Variants in APOC3 observed in about 807,000 individuals in gnomAD.
The protein encoded by APOC3 is apolipoprotein C-III.
APOC3 carries 6 observed loss-of-function variants against 7.3 expected under a neutral mutation model. The ratio of observed to expected loss-of-function variants is 0.82; its 90% CI spans 0.45 to 1.61. APOC3 has a LOEUF of 1.61. APOC3 is among the 40% of genes most tolerant of loss of function. The pLI, the probability that APOC3 is intolerant of heterozygous loss-of-function variation, is 0.01. For missense variants in APOC3, 123 were observed against 124.9 expected (o/e 0.98, Z 0.07); for synonymous variants, 45 against 51.2 (o/e 0.88, Z 0.52).
intron 3 of APOC3, among the ~76,000 whole-genome samples, chr11:116,831,268 TTC>T (rs1375275612): frequency 0.014 from 567 of 41,978 alleles, 7 homozygotes; most frequent in African/African-American, 0.029. Flanking sequence ...CTTTCTTTCT[TTC>T]CTTTCTTTCT....
intron 3 of APOC3, 99 bp downstream of exon 3, chr11:116,830,995 C>G: frequency 7.0e-7 from 1 of 1,427,520 alleles, no homozygotes; most frequent in Non-Finnish European, 9.5e-7. Flanking sequence ...TGGAGGTGCT[C>G]CAGCCTCCCC....
Position 116,830,806 on chromosome 11 carries a change from G to GCTTCAT in APOC3, c.90_95dup (p.Phe31_Met32insIlePhe), listed in dbSNP as rs1941437848. On this transcript the variant is annotated inframe_insertion, in exon 3 of 4. Transcript: ENST00000227667. ...GAGGCCGAGGATGCCTCCCTTCTCA[G>GCTTCAT]CTTCATGCAGGGTTACATGAAGCAC... is the stretch of plus-strand genomic sequence containing the variant. 3.0e-5 allele frequency: 48 copies of GCTTCAT among 1,613,152 alleles called. No individual in the cohort carries two copies. The highest frequency in any genetic ancestry group is 4.0e-5 in the Non-Finnish European group (47 of 1,179,958).
chr11:116,830,839 A>C lies in APOC3; in HGVS notation c.122A>C (p.Lys41Thr). Reference sequence around the variant, plus strand: ...CAGGGTTACATGAAGCACGCCACCAAGACCGCCAAGGATGCACTGAGCAGC... The same window carrying C: ...CAGGGTTACATGAAGCACGCCACCACGACCGCCAAGGATGCACTGAGCAGC... ...FMQGYMKHAT[K>T]TAKDALSSVQ... Residue 41 changes from lysine to threonine, a missense_variant, in exon 3 of 4, where the codon AAG (lysine) becomes ACG (threonine). Physicochemically the swap from Lys to Thr is moderately conservative, Grantham distance 78 (BLOSUM62 -1). Coordinates refer to ENST00000227667, the MANE Select transcript of APOC3 (RefSeq NM_000040.3). 1 of 1,613,146 alleles carries C rather than the reference A, an allele frequency of 6.2e-7. No homozygotes were observed.
At chr11:116,832,245 C>T (rs1300279797) in intron 3 of APOC3, among the ~76,000 whole-genome samples, 1 of 152,136 alleles carries the variant, frequency 6.6e-6, no homozygotes, top group East Asian at 1.9e-4. Context: ...CATTCTTAGT[C>T]CCCAGAACCG....
chr11:116,830,740 G>C (rs763606461), intron 2 of APOC3, 33 bp from the exon 3 acceptor site: 3 of 1,613,286 alleles, frequency 1.9e-6, no homozygotes, highest in Non-Finnish European at 2.5e-6. Flanking sequence ...TCCAGAGGCC[G>C]ATCCACCCCA....
chr11:116,830,799 C>T lies in APOC3; in HGVS notation c.82C>T (p.Leu28Phe), dbSNP rs771868523. Residue 28 changes from leucine (L) to phenylalanine (F), a missense_variant, in exon 3 of 4, where the codon CTT becomes TTT. Coordinates refer to ENST00000227667, the MANE Select transcript of APOC3 (RefSeq NM_000040.3). ...AGCTTCAGAGGCCGAGGATGCCTCC[C>T]TTCTCAGCTTCATGCAGGGTTACAT... is the stretch of plus-strand genomic sequence containing the variant. The part of the protein sequence containing the change: ...ARASEAEDAS[L>F]LSFMQGYMKH... 6.2e-7 allele frequency: 1 copy of T among 1,613,312 alleles called. No homozygotes were observed. The highest frequency in any genetic ancestry group is 2.2e-5 in the East Asian group (1 of 44,876).
rs1246424384 is a variant in APOC3 at position 116,831,133 on chromosome 11, G to T, written c.179+237G>T. ...TTTCTCCCCGGAGCAGTCCTAGGGC[G>T]TGCCGTTTTAGCCCTCATTTCCATT... is the stretch of plus-strand genomic sequence containing the variant. On this transcript the variant is annotated intron_variant, in intron 3 of 3. Transcript: ENST00000227667. The T allele has an allele frequency of 5.4e-6, 3 of 556,152 alleles. No individual in the cohort carries two copies. The Admixed American group carries it at 9.5e-5, about 18-fold the overall frequency. 34.5% of individuals were successfully genotyped at this position (556,152 alleles called of 1,614,324 possible).
chr11:116,830,735 A>G, intron 2 of APOC3, 38 bp from the exon 3 acceptor site: 1 of 1,613,292 alleles, frequency 6.2e-7, no homozygotes, highest in Non-Finnish European at 8.5e-7. Flanking sequence ...GCTCGTCCAG[A>G]GGCCGATCCA....
intron 3 of APOC3, chr11:116,831,189 A>ATTTCTTTCTTTCTTTC (rs1210737487): frequency 1.3e-4 from 20 of 148,474 alleles, no homozygotes; most frequent in African/African-American, 4.4e-4. Context: ...TTCTCTTTCT[A>ATTTCTTTCTTTCTTTC]TTTCTTTCTT....
chr11:116,832,849 C>T lies in APOC3; in HGVS notation c.265C>T (p.Pro89Ser), dbSNP rs775956260. The T allele has an allele frequency of 4.3e-6, 7 of 1,613,980 alleles. No homozygotes were observed. Among genetic ancestry groups the T allele is most frequent in the South Asian group, 2.2e-5 (2 of 91,078 alleles). Residue 89 changes from proline to serine, a missense_variant, in exon 4 of 4, where the codon CCT becomes TCT. By Grantham distance (74) the Pro-to-Ser change is moderately conservative. Transcript: ENST00000227667. ...GTTCTCTGAGTTCTGGGATTTGGACCCTGAGGTCAGACCAACTTCAGCCGT... is the reference window on the plus strand; with the variant it reads ...GTTCTCTGAGTTCTGGGATTTGGACTCTGAGGTCAGACCAACTTCAGCCGT... The part of the protein sequence containing the change: ...DKFSEFWDLD[P>S]EVRPTSAVAA
chr11:116,830,764 T>C lies in APOC3; in HGVS notation c.56-9T>C, dbSNP rs569422691. The C allele has an allele frequency of 1.2e-6, 2 of 1,613,414 alleles. No individual in the cohort carries two copies. Among genetic ancestry groups the C allele is most frequent in the Non-Finnish European group, 1.7e-6 (2 of 1,179,964 alleles). On this transcript the variant is annotated splice_polypyrimidine_tract_variant and intron_variant, in intron 2 of 3. Transcript: ENST00000227667. ...CGATCCACCCCACTCAGCCCTGCTC[T>C]TTCCTCAGGAGCTTCAGAGGCCGAG... is the stretch of plus-strand genomic sequence containing the variant.
At position 116,833,020 on chromosome 11, in the gene APOC3, C is replaced by A. The variant is rs1475790219; in HGVS notation, c.*136C>A. On this transcript the variant is annotated 3_prime_UTR_variant, in exon 4 of 4. Coordinates refer to ENST00000227667, the MANE Select transcript of APOC3 (RefSeq NM_000040.3). The stretch of plus-strand genomic sequence containing the variant: ...TCTCCTACCCCACCTCATGCCTGGC[C>A]CCCCTCCAGGCATGCTGGCCTCCCA... 1.0e-5 allele frequency: 13 copies of A among 1,251,048 alleles called. No individual in the cohort carries two copies. The highest frequency in any genetic ancestry group is 1.9e-5 in the Admixed American group (1 of 53,318). 77.5% of individuals were successfully genotyped at this position (1,251,048 alleles called of 1,614,324 possible).
rs76353203 is a variant in APOC3 at position 116,830,637 on chromosome 11, C to T, written c.55C>T (p.Arg19Ter). ...CCTCCTGGCGCTCCTGGCCTCTGCC[C>T]GTAAGCACTTGGTGGGACTGGGCTG... ...VALLALLASARASEAEDASLL... is the reference protein window; with the variant it reads ...VALLALLASA Residue 19 changes from arginine to a stop codon, truncating the protein, a stop_gained and splice_region_variant, in exon 2 of 4, where the codon CGA (arginine) becomes TGA (stop). Coordinates refer to ENST00000227667, the MANE Select transcript of APOC3 (RefSeq NM_000040.3). LOFTEE classifies it high-confidence loss of function. 836 of 1,613,898 alleles carry T rather than the reference C, an allele frequency of 5.2e-4. 13 individuals are homozygous for T. In the Middle Eastern group the frequency reaches 0.011, roughly 21 times the overall value.
In APOC3 at chr11:116,830,841, A is replaced by G; in HGVS notation, c.124A>G (p.Thr42Ala). 3 of 1,612,956 alleles carry G rather than the reference A, an allele frequency of 1.9e-6. No individual in the cohort carries two copies. Among genetic ancestry groups the G allele is most frequent in the Non-Finnish European group, 2.5e-6 (3 of 1,179,888 alleles). Residue 42 changes from threonine (T) to alanine (A), a missense_variant, in exon 3 of 4, where the codon ACC becomes GCC. Thr to Ala is a moderately conservative substitution (Grantham distance 58). Transcript: ENST00000227667. ...GGGTTACATGAAGCACGCCACCAAG[A>G]CCGCCAAGGATGCACTGAGCAGCGT... ...MQGYMKHATKTAKDALSSVQE... is the reference protein window; with the variant it reads ...MQGYMKHATKAAKDALSSVQE...
Position 116,830,002 on chromosome 11 carries a change from C to A in APOC3, c.-14+62C>A, listed in dbSNP as rs1941428778. ...AGGATGAAGAGGGGCAAGAGGAGCTCCCTGCCCAGCCCAGCCAGCAAGCCT... is the reference window on the plus strand; with the variant it reads ...AGGATGAAGAGGGGCAAGAGGAGCTACCTGCCCAGCCCAGCCAGCAAGCCT... On this transcript the variant is annotated intron_variant, in intron 1 of 3. Coordinates refer to ENST00000227667, the MANE Select transcript of APOC3 (RefSeq NM_000040.3). The A allele has an allele frequency of 1.8e-5, 3 of 170,756 alleles. No individual in the cohort carries two copies. The South Asian group carries it at 4.6e-4, about 26-fold the overall frequency. 10.6% of individuals were successfully genotyped at this position (170,756 alleles called of 1,614,324 possible).
intron 3 of APOC3, among the ~76,000 whole-genome samples, chr11:116,831,458 G>A (rs565074524): frequency 8.0e-5 from 12 of 150,562 alleles, no homozygotes; most frequent in East Asian, 2.0e-4. Context: ...TCCGTCTCCC[G>A]GGTTCAACCC....
chr11:116,831,010 C>A, intron 3 of APOC3, 114 bp downstream of exon 3: 1 of 1,305,124 alleles, frequency 7.7e-7, no homozygotes, highest in South Asian at 1.3e-5. Flanking sequence ...CTCCCCTGGG[C>A]CTGTGCCTCT....
chr11:116,830,367 C>G, intron 1 of APOC3: 1 of 624,636 alleles, frequency 1.6e-6, no homozygotes, highest in South Asian at 1.9e-5. Context: ...GTTTTCTGCT[C>G]CATCCCACCC....
intron 3 of APOC3, 109 bp downstream of exon 3, chr11:116,831,005 C>T: frequency 7.3e-7 from 1 of 1,362,040 alleles, no homozygotes; most frequent in Non-Finnish European, 1.0e-6. Context: ...CCAGCCTCCC[C>T]TGGGCCTGTG....
Sources: allele counts gnomAD v4.1 joint callset (sites outside exome capture counted in the v4.1 genomes callset), GRCh38; gene constraint gnomAD v4.1.1; transcripts MANE v1.5; gene names NCBI Gene and HGNC (gene_info 2026-07-23, HGNC 2026-07-21).